VCAN: variants seen among roughly 807,000 people sequenced by gnomAD.
VCAN encodes the protein versican core protein.
A neutral mutation model predicts 245.5 loss-of-function variants in VCAN; 44 were observed. That is an observed-to-expected ratio of 0.18 (90% CI 0.14 to 0.23). VCAN has a LOEUF of 0.23. Ranked by LOEUF, VCAN falls within the 10% of genes least tolerant of loss-of-function variation. The pLI, the probability that VCAN is intolerant of heterozygous loss-of-function variation, is 1.00. For synonymous variants in VCAN, 1,413 were observed against 1,437.0 expected, an observed-to-expected ratio of 0.98 and a Z score of 0.38; for missense variants, 3,793 against 4,057.9, an observed-to-expected ratio of 0.93 and a Z score of 1.77.
At chr5:83,562,187 G>T (rs1402807434) in intron 12 of VCAN, 1 of 152,070 alleles carries the variant, frequency 6.6e-6, no homozygotes, top group Non-Finnish European at 1.5e-5. Flanking sequence ...AGGCTTTATT[G>T]TATTAATCCA....
chr5:83,506,030 G>A (rs760975774), intron 5 of VCAN, among the ~76,000 whole-genome samples: 34 of 152,182 alleles, frequency 2.2e-4, no homozygotes, highest in East Asian at 5.8e-4. Context: ...CATACAGCAC[G>A]GGGACCCTGG....
At position 83,520,636 on chromosome 5, in the gene VCAN, C is replaced by T. The variant is rs779600777; in HGVS notation, c.2330C>T (p.Thr777Ile). ...GACTTTACAGCAACTCCAGGTACTA[C>T]AAAATATGATGAAAATATTACAACA... ...EEDFTATPGT[T>I]KYDENITTVL... The change falls in exon 7 of 15, where the codon ACA (threonine) becomes ATA (isoleucine). Residue 777 changes from threonine (T) to isoleucine (I), a missense_variant. Thr to Ile is a moderately conservative substitution (Grantham distance 89, BLOSUM62 -1). This residue lies in a region of VCAN where 3,182 missense variants were observed against 3,250.3 expected (regional missense o/e 0.98). Transcript: ENST00000265077. The T allele has an allele frequency of 5.6e-6, 9 of 1,613,948 alleles. No homozygotes were observed. Among genetic ancestry groups the T allele is most frequent in the Middle Eastern group, 1.6e-4 (1 of 6,062 alleles).
In VCAN at chr5:83,522,182, AC is replaced by A; in HGVS notation, c.3878del (p.Pro1293HisfsTer45). The A allele has an allele frequency of 6.2e-7, 1 of 1,608,358 alleles. No individual in the cohort carries two copies. The highest frequency in any genetic ancestry group is 8.5e-7 in the Non-Finnish European group (1 of 1,179,988). On this transcript the variant is annotated frameshift_variant, in exon 7 of 15. Transcript: ENST00000265077. LOFTEE classifies it high-confidence loss of function. ...GTCCTCCTGCTACACAGCCAACAAGACCACCCACTGTGGAAGACAAAGAGGC... is the reference window on the plus strand; with the variant it reads ...GTCCTCCTGCTACACAGCCAACAAGACACCCACTGTGGAAGACAAAGAGGC... ...SSPPATQPTR[P>X]PTVEDKEAFG...
intron 8 of VCAN, chr5:83,544,971 G>A (rs1747149368): frequency 6.1e-6 from 1 of 163,344 alleles, no homozygotes; most frequent in Non-Finnish European, 1.4e-5. Flanking sequence ...ATAGTTTAAA[G>A]GAGTACATTT....
In VCAN at chr5:83,519,528, G is replaced by A. The variant is rs878940931; in HGVS notation, c.1222G>A (p.Ala408Thr). 1 of 1,614,106 alleles carries A rather than the reference G, an allele frequency of 6.2e-7. No homozygotes were observed. Among genetic ancestry groups the A allele is most frequent in the South Asian group, 1.1e-5 (1 of 91,080 alleles). ...VGNIVSFEQKATVQPQAITDS... is the reference protein window; with the variant it reads ...VGNIVSFEQKTTVQPQAITDS... The stretch of plus-strand genomic sequence containing the variant: ...AAATATTGTCAGTTTTGAACAGAAA[G>A]CCACAGTCCAACCTCAGGCTATCAC... Residue 408 changes from alanine (A) to threonine (T), a missense_variant, in exon 7 of 15, where the codon GCC becomes ACC. By Grantham distance (58) the Ala-to-Thr change is moderately conservative (BLOSUM62 0). Around this residue, in one of 5 missense-constraint regions of VCAN, gnomAD observed 3,182 missense variants for 3,250.3 expected, o/e 0.98. Coordinates refer to ENST00000265077, the MANE Select transcript of VCAN (RefSeq NM_004385.5).
At position 83,539,212 on chromosome 5, in the gene VCAN, A is replaced by G; in HGVS notation, c.6209A>G (p.Lys2070Arg). 2.5e-6 allele frequency: 4 copies of G among 1,614,024 alleles called. No individual in the cohort carries two copies. The highest frequency in any genetic ancestry group is 3.4e-6 in the Non-Finnish European group (4 of 1,179,984). The change falls in exon 8 of 15, where the codon AAA becomes AGA. Residue 2070 changes from lysine (K) to arginine (R), a missense_variant. By Grantham distance (26) the Lys-to-Arg change is conservative (BLOSUM62 2). Coordinates refer to ENST00000265077, the MANE Select transcript of VCAN (RefSeq NM_004385.5). Reference protein sequence around the residue: ...ILPTAEVEGTKAPVEKEEVKV... With the variant: ...ILPTAEVEGTRAPVEKEEVKV... ...CCAACAGCAGAAGTGGAAGGTACGA[A>G]AGCTCCAGTAGAGAAGGAGGAAGTA...
intron 3 of VCAN, 95 bp downstream of exon 3, chr5:83,490,567 T>C (rs1188441602): frequency 6.4e-7 from 1 of 1,565,570 alleles, no homozygotes; most frequent in East Asian, 2.3e-5. Context: ...TTGTTTGGGG[T>C]TTGGATGAGC....
At chr5:83,530,402 G>A (rs1290592626) in intron 7 of VCAN, among the ~76,000 whole-genome samples, 8 of 152,058 alleles carry the variant, frequency 5.3e-5, no homozygotes, top group Non-Finnish European at 1.2e-4. Context: ...ATAGCTCTTA[G>A]ATCGTTCATT....
chr5:83,517,314 G>T (rs925753662), intron 6 of VCAN, among the ~76,000 whole-genome samples: 2 of 152,102 alleles, frequency 1.3e-5, no homozygotes, highest in African/African-American at 2.4e-5. Context: ...AGCCCCTTTG[G>T]CCCTAATGCA....
At chr5:83,522,339 A>C (rs373696996) in intron 7 of VCAN, 30 bp downstream of exon 7, 38 of 1,595,032 alleles carry the variant, frequency 2.4e-5, no homozygotes, top group Non-Finnish European at 3.1e-5. Context: ...ACTAGCATTG[A>C]AGGCAATCCT....
chr5:83,500,192 C>T (rs1425332300), intron 5 of VCAN, among the ~76,000 whole-genome samples: 3 of 152,180 alleles, frequency 2.0e-5, no homozygotes, highest in Admixed American at 6.5e-5. Context: ...CTTGAAGAGC[C>T]TCTTGCACAC....
intron 12 of VCAN, among the ~76,000 whole-genome samples, chr5:83,563,576 A>G (rs1747953557): frequency 1.3e-5 from 2 of 152,188 alleles, no homozygotes; most frequent in African/African-American, 2.4e-5. Flanking sequence ...TCTTATCGGC[A>G]TATGTTTCAA....
intron 13 of VCAN, 149 bp downstream of exon 13, chr5:83,572,709 T>C (rs1748330527): frequency 9.1e-7 from 1 of 1,100,448 alleles, no homozygotes; most frequent in East Asian, 2.6e-5. Flanking sequence ...TATTTCACTC[T>C]TCCAAAACAA....
At chr5:83,544,581 AT>A (rs1202844520) in intron 8 of VCAN, among the ~76,000 whole-genome samples, 1 of 152,158 alleles carries the variant, frequency 6.6e-6, no homozygotes, top group Non-Finnish European at 1.5e-5. Flanking sequence ...TAGATAATCT[AT>A]TTTATTTCAA....
Position 83,521,581 on chromosome 5 carries a change from C to A in VCAN, c.3275C>A (p.Thr1092Lys). Residue 1092 changes from threonine (T) to lysine (K), a missense_variant, in exon 7 of 15, where the codon ACA (threonine) becomes AAA (lysine). Coordinates refer to ENST00000265077, the MANE Select transcript of VCAN (RefSeq NM_004385.5). ...TGSERVPVLE[T>K]TPVGKIDHSV... Reference sequence around the variant, plus strand: ...TCTGAGAGGGTCCCAGTTTTAGAAACAACTCCAGTTGGAAAAATTGATCAC... The same window carrying A: ...TCTGAGAGGGTCCCAGTTTTAGAAAAAACTCCAGTTGGAAAAATTGATCAC... The A allele has an allele frequency of 6.2e-7, 1 of 1,614,082 alleles. No individual in the cohort carries two copies. Among genetic ancestry groups the A allele is most frequent in the Non-Finnish European group, 8.5e-7 (1 of 1,180,028 alleles).
intron 10 of VCAN, among the ~76,000 whole-genome samples, chr5:83,552,693 G>A (rs1001249595): frequency 2.6e-5 from 4 of 152,074 alleles, no homozygotes; most frequent in African/African-American, 9.7e-5. Context: ...TGGAATGGGG[G>A]GGTGAGTTAA....
chr5:83,578,054 G>A (rs1029408830), intron 13 of VCAN, among the ~76,000 whole-genome samples: 1 of 151,962 alleles, frequency 6.6e-6, no homozygotes, highest in African/African-American at 2.4e-5. Flanking sequence ...CTATCACTTT[G>A]GTCTTATTCC....
chr5:83,540,367 G>A lies in VCAN; in HGVS notation c.7364G>A (p.Ser2455Asn), dbSNP rs778997926. The change falls in exon 8 of 15, where the codon AGC becomes AAC. Residue 2455 changes from serine to asparagine, a missense_variant. Ser to Asn is a conservative substitution (Grantham distance 46). Around this residue, in one of 5 missense-constraint regions of VCAN, gnomAD observed 3,182 missense variants for 3,250.3 expected, o/e 0.98. Transcript: ENST00000265077. ...SATTQATRQE[S>N]STTFVSDGSL... ...ACTACTCAGGCAACCAGACAAGAAA[G>A]CAGCACCACATTTGTTTCTGATGGG... 1.9e-6 allele frequency: 3 copies of A among 1,613,992 alleles called. No individual in the cohort carries two copies. The highest frequency in any genetic ancestry group is 2.5e-6 in the Non-Finnish European group (3 of 1,179,956).
intron 9 of VCAN, 60 bp from the exon 10 acceptor site, chr5:83,547,911 A>G: frequency 6.5e-6 from 8 of 1,230,532 alleles, no homozygotes; most frequent in Non-Finnish European, 9.6e-6. Flanking sequence ...ACCTCACACT[A>G]AATGGAATTC....
Sources: allele counts gnomAD v4.1 joint callset (sites outside exome capture counted in the v4.1 genomes callset), GRCh38; gene constraint gnomAD v4.1.1; regional missense constraint gnomAD v4.1.1; transcripts MANE v1.5; gene names NCBI Gene and HGNC (gene_info 2026-07-23, HGNC 2026-07-21).